Variants in SOX5 observed in about 807,000 individuals in gnomAD.
SOX5 encodes SRY-box transcription factor 5.
Under a neutral mutation model 92.0 loss-of-function variants are expected in SOX5, and 9 were observed. The observed-to-expected ratio is 0.10, with a 90% CI of 0.06 to 0.17. SOX5 has a LOEUF of 0.17. SOX5 is among the 10% of genes least tolerant of loss of function. The pLI is 1.00. For missense variants in SOX5, 642 were observed against 944.5 expected (o/e 0.68, Z 4.20); for synonymous variants, 344 against 336.3 (o/e 1.02, Z -0.25).
chr12:24,378,724 T>C (rs1957530277), intron 1 of SOX5, among the ~76,000 whole-genome samples: 1 of 152,220 alleles, frequency 6.6e-6, no homozygotes, highest in African/African-American at 2.4e-5. Context: ...AGTGGAGCTA[T>C]GACATCTCAC....
chr12:24,205,335 G>A (rs1013826704), intron 4 of SOX5, among the ~76,000 whole-genome samples: 1 of 152,084 alleles, frequency 6.6e-6, no homozygotes, highest in Non-Finnish European at 1.5e-5. Context: ...AAATATAAAT[G>A]AGCATTTCCT....
intron 4 of SOX5, among the ~76,000 whole-genome samples, chr12:23,749,324 T>C (rs2094109508): frequency 6.6e-6 from 1 of 151,946 alleles, no homozygotes; most frequent in Non-Finnish European, 1.5e-5. Context: ...TGAGTATAAA[T>C]TAATTGACAT....
At chr12:23,832,958 T>TA (rs1189452905) in intron 3 of SOX5, among the ~76,000 whole-genome samples, 1 of 151,966 alleles carries the variant, frequency 6.6e-6, no homozygotes, top group Non-Finnish European at 1.5e-5. Context: ...TGTTAAACTA[T>TA]AATCACTTAG....
chr12:24,207,286 T>C (rs999379445), intron 4 of SOX5, among the ~76,000 whole-genome samples: 3 of 152,188 alleles, frequency 2.0e-5, no homozygotes, highest in African/African-American at 4.8e-5. Context: ...GAGATGTAAA[T>C]GGCATGACTC....
rs183560571 is a variant in SOX5, at chr12:23,616,987, G to T, written c.1018-12454C>A. On this transcript the variant is annotated intron_variant, in intron 8 of 14. Coordinates refer to ENST00000451604, the MANE Select transcript of SOX5 (RefSeq NM_006940.6). ...CTTAAAAATAAAATAAAATTAGCTG[G>T]GCATAATGGCATGTGCAGTCCTAGT... Among the ~76,000 whole-genome samples, 10 of 152,034 alleles carry T rather than the reference G, an allele frequency of 6.6e-5. No individual in the cohort carries two copies. In the East Asian group the frequency reaches 1.9e-3, roughly 29 times the overall value.
At chr12:24,314,050 G>A (rs193223883) in intron 2 of SOX5, among the ~76,000 whole-genome samples, 47 of 152,184 alleles carry the variant, frequency 3.1e-4, no homozygotes, top group Non-Finnish European at 4.1e-4. Context: ...TCATGGTTTT[G>A]ACCACTTCTA....
chr12:23,705,948 T>C (rs1399637829), intron 6 of SOX5, among the ~76,000 whole-genome samples: 1 of 151,994 alleles, frequency 6.6e-6, no homozygotes, highest in Admixed American at 6.6e-5. Context: ...CAGGAGCTCC[T>C]AGAGAGGGAA....
upstream of SOX5, among the ~76,000 whole-genome samples, chr12:23,950,187 A>T (rs546757172): frequency 4.6e-5 from 7 of 152,204 alleles, no homozygotes; most frequent in South Asian, 1.2e-3. Context: ...TGTTAGTAAT[A>T]GCATTTTTAC....
chr12:24,167,807 T>C (rs942881800), intron 4 of SOX5, among the ~76,000 whole-genome samples: 3 of 152,372 alleles, frequency 2.0e-5, no homozygotes, highest in Middle Eastern at 3.4e-3. Context: ...TCTTTACTTA[T>C]ATACATCCCC....
intron 2 of SOX5, among the ~76,000 whole-genome samples, chr12:24,338,031 T>C (rs1347796941): frequency 6.6e-6 from 1 of 152,184 alleles, no homozygotes. Flanking sequence ...TATCTTAAAA[T>C]CATTCAAGAA....
chr12:23,598,433 C>G (rs1474617354), intron 9 of SOX5, among the ~76,000 whole-genome samples: 1 of 118,072 alleles, frequency 8.5e-6, no homozygotes, highest in African/African-American at 3.4e-5. Context: ...GAGTCTCCCT[C>G]TGTTGCCCAG....
At chr12:24,208,092 A>C (rs1565658423) in intron 4 of SOX5, among the ~76,000 whole-genome samples, 1 of 152,182 alleles carries the variant, frequency 6.6e-6, no homozygotes, top group Non-Finnish European at 1.5e-5. Flanking sequence ...GAGGACATCA[A>C]ACCCTATGGA....
intron 2 of SOX5, among the ~76,000 whole-genome samples, chr12:24,313,418 T>C (rs1034086661): frequency 2.0e-5 from 3 of 152,098 alleles, no homozygotes; most frequent in African/African-American, 7.2e-5. Flanking sequence ...TATTCCCAGC[T>C]ACTCAGAAGG....
At chr12:23,566,041 T>C (rs184406860) in intron 10 of SOX5, among the ~76,000 whole-genome samples, 17 of 152,298 alleles carry the variant, frequency 1.1e-4, no homozygotes, top group African/African-American at 3.8e-4. Context: ...TCCTCCTGTT[T>C]CAATAAAAAT....
At chr12:24,180,077 T>TGGGATTATA (rs1955310363) in intron 4 of SOX5, among the ~76,000 whole-genome samples, 1 of 151,920 alleles carries the variant, frequency 6.6e-6, no homozygotes, top group Admixed American at 6.6e-5. Flanking sequence ...CCCAAGTAGC[T>TGGGATTATA]GGGATTATAG....
intron 8 of SOX5, among the ~76,000 whole-genome samples, chr12:23,611,453 T>A (rs2075950856): frequency 6.6e-6 from 1 of 151,982 alleles, no homozygotes; most frequent in Admixed American, 6.6e-5. Context: ...GACAATAAGG[T>A]TGATTCCATG....
intron 4 of SOX5, among the ~76,000 whole-genome samples, chr12:24,101,215 T>C (rs757198286): frequency 2.9e-4 from 44 of 152,300 alleles, no homozygotes; most frequent in Non-Finnish European, 5.3e-4. Flanking sequence ...TTTTATCTCC[T>C]AATTATGTTC....
intron 3 of SOX5, among the ~76,000 whole-genome samples, chr12:23,818,451 T>G (rs1329275644): frequency 6.6e-6 from 1 of 152,190 alleles, no homozygotes; most frequent in African/African-American, 2.4e-5. Context: ...GTATTTACTA[T>G]GAACAGAGCT....
intron 2 of SOX5, among the ~76,000 whole-genome samples, chr12:24,278,295 T>C (rs891631001): frequency 2.0e-5 from 3 of 152,222 alleles, no homozygotes; most frequent in Non-Finnish European, 2.9e-5. Context: ...TCAGAACTTT[T>C]GTTAGGAAGC....
Sources: allele counts gnomAD v4.1 joint callset (sites outside exome capture counted in the v4.1 genomes callset), GRCh38; gene constraint gnomAD v4.1.1; transcripts MANE v1.5; gene names NCBI Gene and HGNC (gene_info 2026-07-23, HGNC 2026-07-21).